Variants in SOX6 observed in about 807,000 individuals in gnomAD.
SOX6 encodes transcription factor SOX-6.
A neutral mutation model predicts 97.8 loss-of-function variants in SOX6; 11 were observed. The observed-to-expected ratio is 0.11, with a 90% CI of 0.07 to 0.19. The LOEUF (loss-of-function observed/expected upper bound fraction) is 0.19, where lower values mean the gene tolerates loss of function less well. SOX6 is among the 10% of genes least tolerant of loss of function. The pLI, the probability that SOX6 is intolerant of heterozygous loss-of-function variation, is 1.00. For missense variants in SOX6, 810 were observed against 1,039.5 expected (o/e 0.78, Z 3.04); for synonymous variants, 360 against 371.4 (o/e 0.97, Z 0.35).
At chr11:16,046,786 T>C in intron 11 of SOX6, 85 bp from the exon 12 acceptor site, 2 of 1,349,382 alleles carry the variant, frequency 1.5e-6, no homozygotes, top group South Asian at 1.2e-5. Flanking sequence ...TGTAGAAAGC[T>C]GCATTCTCTG....
chr11:16,711,647 G>C (rs1025377242), intron 3 of SOX6, among the ~76,000 whole-genome samples: 3 of 152,142 alleles, frequency 2.0e-5, no homozygotes, highest in African/African-American at 7.2e-5. Flanking sequence ...ACTTATGCCA[G>C]TCTCCCCTGT....
Position 15,989,128 on chromosome 11 carries a change from C to T in SOX6, c.1835G>A (p.Arg612His), listed in dbSNP as rs1853960265. Residue 612 changes from arginine (R) to histidine (H), a missense_variant, in exon 14 of 16, where the codon CGC becomes CAC. By Grantham distance (29) the Arg-to-His change is conservative. This residue lies in a region of SOX6 where 51 missense variants were observed against 145.7 expected (regional missense o/e 0.35). Transcript: ENST00000683767. ...VAEARVYRDA[R>H]GRASSEPHIK... ...GTGTGGCTCGCTGCTGGCACGGCCG[C>T]GGGCGTCCCTGTAGACTCGTGCTTC... 1 of 1,614,168 alleles carries T rather than the reference C, an allele frequency of 6.2e-7. No homozygotes were observed. Among genetic ancestry groups the T allele is most frequent in the Non-Finnish European group, 8.5e-7 (1 of 1,180,018 alleles).
Position 16,183,910 on chromosome 11 carries a change from A to T in SOX6, c.753T>A (p.Ile251=), listed in dbSNP as rs776508208. 3.1e-6 allele frequency: 5 copies of T among 1,612,310 alleles called. No individual in the cohort carries two copies. In the African/African-American group the frequency reaches 6.7e-5, roughly 22 times the overall value. The part of the protein sequence containing the change: ...QQQLLQQQHK[I]NLLQQQIQVQ... ...CCTGGATCTGTTGCTGCAGGAGATTAATTTTGTGCTGCTGTTGCAGAAGTT... is the reference window on the plus strand; with the variant it reads ...CCTGGATCTGTTGCTGCAGGAGATTTATTTTGTGCTGCTGTTGCAGAAGTT... Residue 251 remains isoleucine (I), a synonymous_variant, in exon 6 of 16, where the codon ATT becomes ATA. Coordinates refer to ENST00000683767, the MANE Select transcript of SOX6 (RefSeq NM_001367873.1).
chr11:16,355,010 C>T (rs896390477), intron 1 of SOX6, among the ~76,000 whole-genome samples: 2 of 152,032 alleles, frequency 1.3e-5, no homozygotes, highest in Non-Finnish European at 1.5e-5. Context: ...ATTCTCCTCT[C>T]ACAATTCACT....
chr11:16,676,138 A>G (rs2134027064), intron 3 of SOX6, among the ~76,000 whole-genome samples: 1 of 152,190 alleles, frequency 6.6e-6, no homozygotes, highest in Non-Finnish European at 1.5e-5. Context: ...CAACTGACCT[A>G]TTTTCAGTTT....
At chr11:16,456,714 T>A (rs182420069) in intron 1 of SOX6, among the ~76,000 whole-genome samples, 1 of 152,152 alleles carries the variant, frequency 6.6e-6, no homozygotes, top group African/African-American at 2.4e-5. Flanking sequence ...AAAATGACAA[T>A]GGTTTATCGA....
intron 3 of SOX6, among the ~76,000 whole-genome samples, chr11:16,246,792 T>C (rs1445084378): frequency 1.3e-5 from 2 of 152,132 alleles, no homozygotes; most frequent in Non-Finnish European, 2.9e-5. Flanking sequence ...GGGCACATAA[T>C]AGTTGTATAT....
intron 12 of SOX6, among the ~76,000 whole-genome samples, chr11:16,035,173 C>A (rs1855485789): frequency 6.6e-6 from 1 of 152,114 alleles, no homozygotes; most frequent in African/African-American, 2.4e-5. Flanking sequence ...AATGTGTGAC[C>A]TTCTTTTCAA....
intron 4 of SOX6, among the ~76,000 whole-genome samples, chr11:16,557,196 T>C (rs1188028922): frequency 5.3e-5 from 8 of 151,846 alleles, no homozygotes; most frequent in Non-Finnish European, 1.2e-4. Flanking sequence ...TTGAGTATAA[T>C]TAAAGTTTAT....
chr11:16,381,384 G>A (rs533558762), intron 1 of SOX6, among the ~76,000 whole-genome samples: 1 of 152,090 alleles, frequency 6.6e-6, no homozygotes, highest in South Asian at 2.1e-4. Context: ...AGCTGATAGA[G>A]CATCAACAAA....
intron 4 of SOX6, among the ~76,000 whole-genome samples, chr11:16,487,859 A>C (rs1261336340): frequency 6.6e-6 from 1 of 152,196 alleles, no homozygotes; most frequent in Admixed American, 6.5e-5. Context: ...CTGTAATTTA[A>C]AAGTATCAGG....
chr11:16,193,324 A>C (rs147799438), intron 4 of SOX6, among the ~76,000 whole-genome samples: 1 of 152,152 alleles, frequency 6.6e-6, no homozygotes, highest in African/African-American at 2.4e-5. Flanking sequence ...GTGAGCTATG[A>C]TTGCATCGCT....
rs1206322112 is a variant in SOX6, at chr11:16,607,574, G to C, written n.609+4507C>G. ...TCTGCGGGGGTGTCCCGCCCCGGGT[G>C]GGGGCAGCGCAGAGCGGCAGAAGTT... On this transcript the variant is annotated intron_variant and non_coding_transcript_variant, in intron 4 of 5. Coordinates refer to the SOX6 transcript ENST00000524520. The surrounding 1 kb of genome is among the most constrained non-coding windows in gnomAD (Gnocchi z 6.5). 1 of 152,554 alleles carries C rather than the reference G, an allele frequency of 6.6e-6. No individual in the cohort carries two copies. Among genetic ancestry groups the C allele is most frequent in the African/African-American group, 2.4e-5 (1 of 41,598 alleles). 9.5% of individuals were successfully genotyped at this position (152,554 alleles called of 1,614,324 possible).
At chr11:16,451,826 G>A (rs78432114) in intron 1 of SOX6, among the ~76,000 whole-genome samples, 4,424 of 151,862 alleles carry the variant, frequency 0.029, 95 homozygotes, top group Non-Finnish European at 0.042. Context: ...TTGAGCCCAG[G>A]AGTTCGGACC....
chr11:16,697,725 T>C (rs1006817582), intron 3 of SOX6, among the ~76,000 whole-genome samples: 2 of 152,222 alleles, frequency 1.3e-5, no homozygotes, highest in African/African-American at 4.8e-5. Flanking sequence ...GAAGCTGAAA[T>C]TACTCCTTGG....
intron 4 of SOX6, among the ~76,000 whole-genome samples, chr11:16,199,802 T>A (rs1851884638): frequency 6.6e-6 from 1 of 152,152 alleles, no homozygotes; most frequent in Non-Finnish European, 1.5e-5. Context: ...CATCTAGAAA[T>A]TCAATTTTTA....
intron 6 of SOX6, among the ~76,000 whole-genome samples, chr11:16,169,170 G>T (rs1031472809): frequency 6.6e-6 from 1 of 152,082 alleles, no homozygotes; most frequent in African/African-American, 2.4e-5. Flanking sequence ...AAACATAGAA[G>T]TTTAGAGTTG....
At chr11:16,184,345 G>A (rs1449252474) in intron 5 of SOX6, among the ~76,000 whole-genome samples, 1 of 152,010 alleles carries the variant, frequency 6.6e-6, no homozygotes, top group Non-Finnish European at 1.5e-5. Context: ...AAAAATCTTC[G>A]TATTATTGCT....
At chr11:16,647,509 C>G (rs534852537) in intron 3 of SOX6, among the ~76,000 whole-genome samples, 1 of 152,304 alleles carries the variant, frequency 6.6e-6, no homozygotes, top group South Asian at 2.1e-4. Flanking sequence ...GGAGACAGGG[C>G]TAACGTGCAG....
Sources: allele counts gnomAD v4.1 joint callset (sites outside exome capture counted in the v4.1 genomes callset), GRCh38; gene constraint gnomAD v4.1.1; regional missense constraint gnomAD v4.1.1; non-coding constraint Gnocchi (gnomAD v3.1); transcripts MANE v1.5; gene names NCBI Gene and HGNC (gene_info 2026-07-23, HGNC 2026-07-21).